XKR4: variants seen among roughly 807,000 people sequenced by gnomAD.
XKR4 encodes the protein XK related 4.
A neutral mutation model predicts 53.9 loss-of-function variants in XKR4; 12 were observed. That is an observed-to-expected ratio of 0.22 (90% CI 0.14 to 0.36). The LOEUF is 0.36. Ranked by LOEUF, XKR4 falls within the 10% of genes least tolerant of loss-of-function variation. The pLI is 1.00. For synonymous variants in XKR4, 354 were observed against 362.4 expected (o/e 0.98, Z 0.26); for missense variants, 799 against 859.5 (o/e 0.93, Z 0.88).
rs1563375718 is a variant in XKR4, at chr8:55,534,672, G to GC, written c.*10449dup. On this transcript the variant is annotated 3_prime_UTR_variant, in exon 3 of 3. Coordinates refer to ENST00000327381, the MANE Select transcript of XKR4 (RefSeq NM_052898.2). The stretch of plus-strand genomic sequence containing the variant: ...TTACAGGCGTGAGCCACCACACCCG[G>GC]CCCCGATATTCTTAATGACTAAATT... 2 of 151,336 alleles carry GC rather than the reference G, an allele frequency of 1.3e-5. No homozygotes were observed. The highest frequency in any genetic ancestry group is 4.9e-5 in the African/African-American group (2 of 41,214). The allele number at this position is 151,336 out of a possible 1,614,324, so 9.4% of individuals were successfully genotyped here.
chr8:55,464,727 T>C (rs951971153), intron 2 of XKR4, among the ~76,000 whole-genome samples: 2 of 152,100 alleles, frequency 1.3e-5, no homozygotes, highest in Non-Finnish European at 2.9e-5. Context: ...GATTGTATAT[T>C]TAGAAAACCC....
chr8:55,150,557 C>T (rs1816827868), intron 1 of XKR4, among the ~76,000 whole-genome samples: 1 of 152,274 alleles, frequency 6.6e-6, no homozygotes, highest in African/African-American at 2.4e-5. Context: ...CCCCCGGAAC[C>T]CTGCCAGGGC....
chr8:55,272,148 A>C (rs1254377659), intron 1 of XKR4, among the ~76,000 whole-genome samples: 1 of 152,224 alleles, frequency 6.6e-6, no homozygotes, highest in Non-Finnish European at 1.5e-5. Flanking sequence ...ACAAAGAATA[A>C]GAAATGATTC....
rs1807045342 is a variant in XKR4, at chr8:55,537,426, T to C, written c.*13199T>C. 1 of 152,358 alleles carries C rather than the reference T, an allele frequency of 6.6e-6. No homozygotes were observed. The highest frequency in any genetic ancestry group is 2.4e-5 in the African/African-American group (1 of 41,588). The allele number at this position is 152,358 out of a possible 1,614,324, so 9.4% of individuals were successfully genotyped here. On this transcript the variant is annotated 3_prime_UTR_variant, in exon 3 of 3. Transcript: ENST00000327381. ...TCAAATTTTGTGCTTGCCTCATTTA[T>C]GGTCCTGAAGCTTAGCAGAAAAACA...
Position 55,464,030 on chromosome 8 carries a change from A to C in XKR4, c.1007-59251A>C, listed in dbSNP as rs1036849272. Among the ~76,000 whole-genome samples, 4 of 152,144 alleles carry C rather than the reference A, an allele frequency of 2.6e-5. 1 individual carries two copies. Among genetic ancestry groups the C allele is most frequent in the African/African-American group, 9.7e-5 (4 of 41,422 alleles). On this transcript the variant is annotated intron_variant, in intron 2 of 2. Transcript: ENST00000327381. ...GTCCAGGACCAGATGGATTCACAGC[A>C]AAATTCTACCAGAGATACAATGAGA...
At chr8:55,434,356 A>C (rs1805144425) in intron 2 of XKR4, among the ~76,000 whole-genome samples, 1 of 151,986 alleles carries the variant, frequency 6.6e-6, no homozygotes. Context: ...TTTATGTAAA[A>C]ATTTAATATG....
intron 1 of XKR4, among the ~76,000 whole-genome samples, chr8:55,195,103 T>C (rs188112525): frequency 6.6e-6 from 1 of 152,226 alleles, no homozygotes; most frequent in Admixed American, 6.5e-5. Context: ...AGGGAAGAAA[T>C]AGAGTCGATA....
At chr8:55,514,721 G>A (rs1239272937) in intron 2 of XKR4, among the ~76,000 whole-genome samples, 2 of 151,966 alleles carry the variant, frequency 1.3e-5, no homozygotes, top group Admixed American at 1.3e-4. Context: ...AACGTGGGAT[G>A]GAAAATAAAC....
intron 1 of XKR4, among the ~76,000 whole-genome samples, chr8:55,355,890 T>G (rs1195454931): frequency 2.6e-5 from 4 of 152,220 alleles, no homozygotes; most frequent in African/African-American, 4.8e-5. Flanking sequence ...ATCTTTGCAC[T>G]AGGTAAATGC....
intron 1 of XKR4, among the ~76,000 whole-genome samples, chr8:55,170,870 C>T (rs1011293634): frequency 2.6e-5 from 4 of 152,152 alleles, no homozygotes; most frequent in African/African-American, 4.8e-5. Context: ...GTGAGCTGCA[C>T]GGCTCCTAGT....
intron 1 of XKR4, among the ~76,000 whole-genome samples, chr8:55,137,448 G>A (rs980116539): frequency 6.6e-6 from 1 of 151,826 alleles, no homozygotes; most frequent in Admixed American, 6.6e-5. Flanking sequence ...GTTTCCTCAA[G>A]GTCTTTTAGG....
At chr8:55,188,241 G>A (rs971682385) in intron 1 of XKR4, among the ~76,000 whole-genome samples, 1 of 152,116 alleles carries the variant, frequency 6.6e-6, no homozygotes, top group Non-Finnish European at 1.5e-5. Context: ...TGTTTCATGA[G>A]TAATAGTCAT....
intron 2 of XKR4, chr8:55,452,966 G>T (rs375204818): frequency 2.2e-5 from 16 of 733,874 alleles, no homozygotes; most frequent in South Asian, 8.1e-5. Flanking sequence ...GCTTCTCACC[G>T]CTCAGGGATG....
intron 1 of XKR4, among the ~76,000 whole-genome samples, chr8:55,296,307 C>G (rs534105666): frequency 6.6e-6 from 1 of 152,306 alleles, no homozygotes; most frequent in South Asian, 2.1e-4. Context: ...CAGCCACCCT[C>G]AGCTACTGCT....
At chr8:55,416,189 A>G (rs2129391839) in intron 2 of XKR4, among the ~76,000 whole-genome samples, 1 of 152,338 alleles carries the variant, frequency 6.6e-6, no homozygotes, top group African/African-American at 2.4e-5. Flanking sequence ...GGGCTAAAAA[A>G]TGGAGCAACG....
intron 2 of XKR4, among the ~76,000 whole-genome samples, chr8:55,442,737 A>G (rs956565692): frequency 6.6e-6 from 1 of 152,232 alleles, no homozygotes; most frequent in Non-Finnish European, 1.5e-5. Flanking sequence ...ATCAAACGTT[A>G]TATGATTCCA....
chr8:55,226,140 C>T (rs1337069276), intron 1 of XKR4, among the ~76,000 whole-genome samples: 2 of 152,198 alleles, frequency 1.3e-5, no homozygotes, highest in African/African-American at 4.8e-5. Flanking sequence ...AAAGTCCATA[C>T]TCTGATGAGC....
intron 1 of XKR4, among the ~76,000 whole-genome samples, chr8:55,308,414 G>A (rs1030293559): frequency 1.3e-5 from 2 of 150,060 alleles, no homozygotes; most frequent in African/African-American, 4.9e-5. Context: ...TCACAAGGCA[G>A]CAGGAGAGAG....
At chr8:55,438,161 T>G (rs1321975797) in intron 2 of XKR4, among the ~76,000 whole-genome samples, 1 of 151,978 alleles carries the variant, frequency 6.6e-6, no homozygotes. Context: ...AAAAAAAAGT[T>G]AACTAAGTCC....
Sources: allele counts gnomAD v4.1 joint callset (sites outside exome capture counted in the v4.1 genomes callset), GRCh38; gene constraint gnomAD v4.1.1; transcripts MANE v1.5; gene names NCBI Gene and HGNC (gene_info 2026-07-23, HGNC 2026-07-21).